The following CCDC6 variants were observed in gnomAD, a reference collection of about 807,000 sequenced individuals.
The protein encoded by CCDC6 is coiled-coil domain-containing protein 6.
In CCDC6, 20 loss-of-function variants were observed where a neutral mutation model predicts 56.6. That is an observed-to-expected ratio of 0.35 (90% confidence interval 0.25 to 0.51). CCDC6 has a LOEUF of 0.51. Among genes scored for constraint, CCDC6 ranks in the 20% least tolerant of loss-of-function variants. CCDC6 has a pLI of 0.95. For synonymous variants in CCDC6, 241 were observed against 234.4 expected, an observed-to-expected ratio of 1.03 and a Z score of -0.26; for missense variants, 367 against 601.1, an observed-to-expected ratio of 0.61 and a Z score of 4.07.
rs2070450171 is a variant in CCDC6, at chr10:59,789,552, G to C, written c.*3365C>G. On this transcript the variant is annotated 3_prime_UTR_variant, in exon 9 of 9. Transcript: ENST00000263102. ...GGCTCTTGAGCATGGAACTCATGTA[G>C]CAGCATCAATGGCTGGCTCTTTAAC... The C allele has an allele frequency of 8.6e-6, 2 of 232,878 alleles. No individual in the cohort carries two copies. Among genetic ancestry groups the C allele is most frequent in the South Asian group, 3.6e-4 (2 of 5,510 alleles). 14.4% of individuals were successfully genotyped at this position (232,878 alleles called of 1,614,324 possible).
At chr10:59,835,482 G>A (rs765997903) in intron 2 of CCDC6, among the ~76,000 whole-genome samples, 4 of 152,170 alleles carry the variant, frequency 2.6e-5, no homozygotes, top group Admixed American at 6.5e-5. Flanking sequence ...TGTACCCTAA[G>A]GAAAATTTGA....
intron 4 of CCDC6, among the ~76,000 whole-genome samples, chr10:59,813,547 A>G (rs1174757888): frequency 2.0e-5 from 3 of 152,206 alleles, no homozygotes; most frequent in Admixed American, 2.0e-4. Context: ...CTTTGGCAGC[A>G]GATCTCTAAA....
chr10:59,895,554 A>G (rs2071455914), intron 1 of CCDC6, among the ~76,000 whole-genome samples: 1 of 152,216 alleles, frequency 6.6e-6, no homozygotes, highest in Admixed American at 6.5e-5. Flanking sequence ...ACCCCTTCCA[A>G]TAGTGCCTAA....
intron 3 of CCDC6, 24 bp from the exon 4 acceptor site, chr10:59,814,779 C>T (rs763486919): frequency 6.1e-6 from 9 of 1,464,608 alleles, no homozygotes; most frequent in East Asian, 2.3e-5. Flanking sequence ...AAAAGTGTTA[C>T]CAAAGTGTCA....
Position 59,906,503 on chromosome 10 carries a change from G to A in CCDC6, c.-79C>T. The A allele has an allele frequency of 7.9e-7, 1 of 1,264,678 alleles. No homozygotes were observed. Among genetic ancestry groups the A allele is most frequent in the Non-Finnish European group, 1.0e-6 (1 of 961,894 alleles). 78.3% of individuals were successfully genotyped at this position (1,264,678 alleles called of 1,614,324 possible). The stretch of plus-strand genomic sequence containing the variant: ...AAGGCCGGGCTGCGAATGAGTGGGC[G>A]CCGGGCGAGCACAGGGGAGCGCCGA... On this transcript the variant is annotated 5_prime_UTR_variant, in exon 1 of 9. Coordinates refer to ENST00000263102, the MANE Select transcript of CCDC6 (RefSeq NM_005436.5).
At chr10:59,870,172 T>C (rs766271581) in intron 1 of CCDC6, among the ~76,000 whole-genome samples, 1 of 152,200 alleles carries the variant, frequency 6.6e-6, no homozygotes, top group Non-Finnish European at 1.5e-5. Context: ...GAACCTACAA[T>C]TGTGCCTGGC....
chr10:59,841,392 C>T (rs747694980), intron 2 of CCDC6, among the ~76,000 whole-genome samples: 19 of 152,162 alleles, frequency 1.2e-4, no homozygotes, highest in Non-Finnish European at 2.4e-4. Context: ...GCACTTAATT[C>T]CTTCTCTTGG....
chr10:59,803,405 C>T (rs1402820816), intron 7 of CCDC6, among the ~76,000 whole-genome samples: 1 of 152,090 alleles, frequency 6.6e-6, no homozygotes, highest in Non-Finnish European at 1.5e-5. Flanking sequence ...AAACTTTATG[C>T]TGCCTTCCTT....
At chr10:59,872,784 G>GT (rs374114837) in intron 1 of CCDC6, among the ~76,000 whole-genome samples, 1 of 118,682 alleles carries the variant, frequency 8.4e-6, no homozygotes, top group African/African-American at 2.8e-5. Context: ...CCAGATGGGG[G>GT]GGTGGGGGAA....
intron 1 of CCDC6, among the ~76,000 whole-genome samples, chr10:59,859,849 GAGGCC>G (rs1378435143): frequency 4.1e-5 from 4 of 96,848 alleles, no homozygotes; most frequent in African/African-American, 2.7e-4. Context: ...CATATCATTT[GAGGCC>G]GGCATATCAC....
chr10:59,834,865 C>A, intron 2 of CCDC6, among the ~76,000 whole-genome samples: 1 of 152,156 alleles, frequency 6.6e-6, no homozygotes, highest in Non-Finnish European at 1.5e-5. Context: ...ACAAAAAGAA[C>A]CCAATGAAAC....
intron 1 of CCDC6, among the ~76,000 whole-genome samples, chr10:59,872,607 A>G (rs1393312536): frequency 6.6e-6 from 1 of 152,106 alleles, no homozygotes; most frequent in Non-Finnish European, 1.5e-5. Context: ...ATGTATGAAC[A>G]TTTTCTAGTT....
chr10:59,858,553 G>C (rs1281168486), intron 1 of CCDC6, among the ~76,000 whole-genome samples: 1 of 152,128 alleles, frequency 6.6e-6, no homozygotes, highest in African/African-American at 2.4e-5. Context: ...ACCAACTGTG[G>C]TTTCTCTCAA....
In CCDC6 at chr10:59,806,853, A is replaced by G. The variant is rs1021698291; in HGVS notation, c.1004+69T>C. ...CCCTTATACACCTAACAGGATACCA[A>G]AGAAAACCTCTGTAGAACCTGGGTT... On this transcript the variant is annotated intron_variant, in intron 6 of 8. Coordinates refer to ENST00000263102, the MANE Select transcript of CCDC6 (RefSeq NM_005436.5). The G allele has an allele frequency of 1.7e-5, 26 of 1,507,270 alleles. No homozygotes were observed. The South Asian group carries it at 2.9e-4, about 17-fold the overall frequency. The allele number at this position is 1,507,270 out of a possible 1,614,324, so 93.4% of individuals were successfully genotyped here. A position where few individuals can be genotyped will look rare whatever the true frequency, so the allele number is the denominator to read the frequency against.
chr10:59,891,413 T>A (rs1298886266), intron 1 of CCDC6, among the ~76,000 whole-genome samples: 1 of 152,210 alleles, frequency 6.6e-6, no homozygotes, highest in Non-Finnish European at 1.5e-5. Flanking sequence ...ATAGAAGCTA[T>A]AGAAGACTTT....
At chr10:59,866,614 C>T (rs17202600) in intron 1 of CCDC6, among the ~76,000 whole-genome samples, 30,439 of 152,132 alleles carry the variant, frequency 0.2, 3,582 homozygotes, top group Non-Finnish European at 0.27. Flanking sequence ...CCACACATTT[C>T]GGCCTCACGT....
chr10:59,820,345 T>C (rs1189328343), intron 3 of CCDC6, among the ~76,000 whole-genome samples: 5 of 152,228 alleles, frequency 3.3e-5, no homozygotes, highest in Non-Finnish European at 4.4e-5. Flanking sequence ...TCAATCTGCT[T>C]TGAAAGGTTT....
At chr10:59,806,834 T>A in intron 6 of CCDC6, 88 bp downstream of exon 6, 1 of 1,270,844 alleles carries the variant, frequency 7.9e-7, no homozygotes, top group Admixed American at 2.2e-5. Context: ...CATCCCCTTA[T>A]ACACCTAACA....
chr10:59,843,049 G>C (rs1035270744), intron 2 of CCDC6, among the ~76,000 whole-genome samples: 6 of 151,956 alleles, frequency 3.9e-5, no homozygotes, highest in Admixed American at 2.0e-4. Context: ...CACCACACCC[G>C]GCCTTTTTTT....
Sources: allele counts gnomAD v4.1 joint callset (sites outside exome capture counted in the v4.1 genomes callset), GRCh38; gene constraint gnomAD v4.1.1; transcripts MANE v1.5; gene names NCBI Gene and HGNC (gene_info 2026-07-23, HGNC 2026-07-21).